IKZF2: variants seen among roughly 807,000 people sequenced by gnomAD.
IKZF2 encodes zinc finger protein Helios.
A neutral mutation model predicts 49.2 loss-of-function variants in IKZF2; 15 were observed. That is an observed-to-expected ratio of 0.30 (90% CI 0.20 to 0.47). The LOEUF (loss-of-function observed/expected upper bound fraction) is 0.47. Ranked by LOEUF, IKZF2 falls within the 20% of genes least tolerant of loss-of-function variation. The pLI, the probability that IKZF2 is intolerant of heterozygous loss-of-function variation, is 1.00. For synonymous variants in IKZF2, 227 were observed against 221.4 expected, an observed-to-expected ratio of 1.03 and a Z score of -0.23; for missense variants, 567 against 664.6, an observed-to-expected ratio of 0.85 and a Z score of 1.61.
intron 4 of IKZF2, among the ~76,000 whole-genome samples, chr2:213,117,035 C>T (rs977268106): frequency 4.0e-5 from 6 of 151,858 alleles, no homozygotes; most frequent in African/African-American, 1.2e-4. Flanking sequence ...GGTAAAATTC[C>T]GTAGGTAAAA....
At position 213,007,645 on chromosome 2, in the gene IKZF2, T is replaced by C; in HGVS notation, c.1296A>G (p.Gln432=). Reference sequence around the variant, plus strand: ...CATCCTCCTTCATGTAAGCTGGGCTTTGTTTCCTCTTGGGATTTAAGGCAG... The same window carrying C: ...CATCCTCCTTCATGTAAGCTGGGCTCTGTTTCCTCTTGGGATTTAAGGCAG... ...GHPALNPKRK[Q]SPAYMKEDVK... is the part of the protein sequence containing the mutation. Residue 432 remains glutamine (Q), a synonymous_variant, in exon 9 of 9, where the codon CAA becomes CAG. Transcript: ENST00000434687. 6.2e-7 allele frequency: 1 copy of C among 1,613,702 alleles called. No individual in the cohort carries two copies. Among genetic ancestry groups the C allele is most frequent in the Non-Finnish European group, 8.5e-7 (1 of 1,179,742 alleles).
At chr2:213,135,762 AAAGAG>A (rs1362495533) in intron 4 of IKZF2, among the ~76,000 whole-genome samples, 1 of 152,024 alleles carries the variant, frequency 6.6e-6, no homozygotes, top group East Asian at 1.9e-4. Flanking sequence ...AAAGGAAAGA[AAAGAG>A]AAGAGAAGAC....
At position 213,002,992 on chromosome 2, in the gene IKZF2, A is replaced by C. The variant is rs899954707; in HGVS notation, c.*4368T>G. 2 of 151,998 alleles carry C rather than the reference A, an allele frequency of 1.3e-5. No homozygotes were observed. The highest frequency in any genetic ancestry group is 3.0e-5 in the Non-Finnish European group (2 of 67,636). 9.4% of individuals were successfully genotyped at this position (151,998 alleles called of 1,614,324 possible). ...TATTCAGAAATACTATGAAACTAAA[A>C]AGGTAGTAAAGTCTAGTTTCAAAGT... is the stretch of plus-strand genomic sequence containing the variant. On this transcript the variant is annotated 3_prime_UTR_variant, in exon 9 of 9. Coordinates refer to ENST00000434687, the MANE Select transcript of IKZF2 (RefSeq NM_001387220.1).
chr2:213,116,583 A>T (rs2059883750), intron 4 of IKZF2, among the ~76,000 whole-genome samples: 1 of 152,080 alleles, frequency 6.6e-6, no homozygotes, highest in African/African-American at 2.4e-5. Flanking sequence ...AAAAACATTT[A>T]AAAAATTATA....
chr2:213,048,389 C>G (rs549788891), intron 6 of IKZF2, among the ~76,000 whole-genome samples: 1 of 152,082 alleles, frequency 6.6e-6, no homozygotes, highest in African/African-American at 2.4e-5. Flanking sequence ...TGAGGCAAAA[C>G]TATATGTTCA....
intron 4 of IKZF2, among the ~76,000 whole-genome samples, chr2:213,108,899 T>C (rs2059614952): frequency 6.6e-6 from 1 of 152,096 alleles, no homozygotes; most frequent in African/African-American, 2.4e-5. Context: ...TTGGTGTATA[T>C]TCATCTCATC....
At chr2:213,076,846 G>T (rs916300428) in intron 4 of IKZF2, among the ~76,000 whole-genome samples, 2 of 152,176 alleles carry the variant, frequency 1.3e-5, no homozygotes, top group Non-Finnish European at 2.9e-5. Flanking sequence ...GAGCTTGCGT[G>T]AGCGGAGATC....
chr2:213,056,963 G>T lies in IKZF2; in HGVS notation c.276C>A (p.Asp92Glu), dbSNP rs1325720755. 1.2e-6 allele frequency: 2 copies of T among 1,613,780 alleles called. No individual in the cohort carries two copies. The highest frequency in any genetic ancestry group is 4.5e-5 in the East Asian group (2 of 44,852). Residue 92 changes from aspartate to glutamate, a missense_variant, in exon 5 of 9, where the codon GAC becomes GAA. This residue lies in a region of IKZF2 where 156 missense variants were observed against 138.5 expected (regional missense o/e 1.13). Coordinates refer to ENST00000434687, the MANE Select transcript of IKZF2 (RefSeq NM_001387220.1). ...EPLIESSEVA[D>E]NRKVQELQGE... ...CTTGAAGCTCCTGGACTTTCCTGTT[G>T]TCAGCCACCTCGCTGCTCTCAATTA... is the stretch of plus-strand genomic sequence containing the variant.
upstream of IKZF2, chr2:213,152,396 C>G (rs1271138992): frequency 2.0e-5 from 3 of 152,262 alleles, no homozygotes; most frequent in Non-Finnish European, 4.4e-5. Flanking sequence ...AAGAGGGGTC[C>G]TGGGGAATAG....
intron 6 of IKZF2, among the ~76,000 whole-genome samples, chr2:213,026,078 A>T (rs948731851): frequency 2.6e-5 from 4 of 152,212 alleles, no homozygotes; most frequent in Non-Finnish European, 5.9e-5. Flanking sequence ...CTAAGTTGAA[A>T]TCCCTTTACC....
chr2:213,146,470 C>A (rs2061063816), intron 4 of IKZF2, among the ~76,000 whole-genome samples: 1 of 151,950 alleles, frequency 6.6e-6, no homozygotes, highest in South Asian at 2.1e-4. Context: ...AAAAGAATTA[C>A]AACTTTTAAA....
Position 213,013,786 on chromosome 2 carries a change from C to T in IKZF2, c.856+5G>A. The T allele has an allele frequency of 1.2e-6, 2 of 1,605,626 alleles. No homozygotes were observed. Among genetic ancestry groups the T allele is most frequent in the Non-Finnish European group, 8.5e-7 (1 of 1,175,928 alleles). ...CAAAGAAACAAAAGCATTTGTAATG[C>T]TTACCCACAAACTTTTGTGGAGTGG... On this transcript the variant is annotated splice_donor_5th_base_variant and intron_variant, in intron 8 of 8. Transcript: ENST00000434687.
intron 4 of IKZF2, among the ~76,000 whole-genome samples, chr2:213,124,262 A>ACACACACG (rs2060174932): frequency 1.1e-5 from 1 of 92,304 alleles, no homozygotes; most frequent in Non-Finnish European, 2.5e-5. Context: ...GCACACACAC[A>ACACACACG]CACACACACA....
At chr2:213,062,639 T>C (rs1559223796) in intron 4 of IKZF2, among the ~76,000 whole-genome samples, 1 of 151,972 alleles carries the variant, frequency 6.6e-6, no homozygotes, top group Non-Finnish European at 1.5e-5. Context: ...TTTATATGGT[T>C]GGTTTCTGTT....
intron 4 of IKZF2, among the ~76,000 whole-genome samples, chr2:213,110,226 T>C (rs552878116): frequency 6.6e-6 from 1 of 152,138 alleles, no homozygotes; most frequent in Non-Finnish European, 1.5e-5. Flanking sequence ...TAGGTAGATA[T>C]TTGAATGGTT....
intron 6 of IKZF2, among the ~76,000 whole-genome samples, chr2:213,049,023 T>C (rs1472839033): frequency 6.6e-6 from 1 of 152,138 alleles, no homozygotes; most frequent in Non-Finnish European, 1.5e-5. Context: ...GAGATTCATT[T>C]GGATTTCTGA....
At chr2:213,086,794 AG>A (rs2125608485) in intron 4 of IKZF2, among the ~76,000 whole-genome samples, 2 of 152,200 alleles carry the variant, frequency 1.3e-5, no homozygotes, top group East Asian at 3.9e-4. Flanking sequence ...ATGGGAGTGG[AG>A]GGGGGAGGAA....
intron 4 of IKZF2, among the ~76,000 whole-genome samples, chr2:213,087,747 C>T (rs1406163684): frequency 1.3e-5 from 2 of 152,100 alleles, no homozygotes; most frequent in Non-Finnish European, 2.9e-5. Context: ...TGAGAACATG[C>T]GGTGTTTGGT....
intron 4 of IKZF2, among the ~76,000 whole-genome samples, chr2:213,125,853 A>C (rs2060243040): frequency 1.3e-5 from 2 of 152,198 alleles, no homozygotes; most frequent in African/African-American, 4.8e-5. Context: ...AAATTGAGTC[A>C]TAGGGCAAGT....
Sources: gnomAD v4.1 joint callset for allele counts (sites outside exome capture counted in the v4.1 genomes callset) on GRCh38, gnomAD v4.1.1 for gene constraint, gnomAD v4.1.1 regional missense constraint, MANE v1.5 for transcripts, NCBI Gene and HGNC (gene_info 2026-07-23, HGNC 2026-07-21) for gene names.